GALNT5: variants seen among roughly 807,000 people sequenced by gnomAD.
The protein encoded by GALNT5 is UDP-GalNAc:polypeptide N-acetylgalactosaminyltransferase 5.
GALNT5 carries 72 observed loss-of-function variants against 85.4 expected under a neutral mutation model. The observed-to-expected ratio is 0.84, with a 90% CI of 0.70 to 1.03. GALNT5 has a LOEUF of 1.03. GALNT5 is among the 50% of genes least tolerant of loss of function. The pLI, the probability that GALNT5 is intolerant of heterozygous loss-of-function variation, is 0.00. For missense variants in GALNT5, 1,137 were observed against 1,135.5 expected, an observed-to-expected ratio of 1.00 and a Z score of -0.02; for synonymous variants, 404 against 397.0, an observed-to-expected ratio of 1.02 and a Z score of -0.21.
intron 3 of GALNT5, among the ~76,000 whole-genome samples, chr2:157,291,501 C>G (rs1574027155): frequency 1.3e-5 from 2 of 151,930 alleles, no homozygotes; most frequent in South Asian, 4.2e-4. Context: ...TCAAGGAATC[C>G]TAGACATAAC....
intron 3 of GALNT5, among the ~76,000 whole-genome samples, chr2:157,287,884 T>C (rs544128514): frequency 1.4e-4 from 22 of 152,340 alleles, no homozygotes; most frequent in African/African-American, 5.1e-4. Context: ...TATTAACTGA[T>C]TGAATCCTCA....
At chr2:157,309,693 T>C (rs978356165) in intron 9 of GALNT5, among the ~76,000 whole-genome samples, 3 of 152,330 alleles carry the variant, frequency 2.0e-5, no homozygotes, top group African/African-American at 7.2e-5. Context: ...ATGACTATTC[T>C]TTTCTCAACA....
intron 1 of GALNT5, among the ~76,000 whole-genome samples, chr2:157,261,242 G>T (rs60851779): frequency 0.025 from 3,809 of 152,008 alleles, 158 homozygotes; most frequent in East Asian, 0.14. Context: ...CTGCACAGAA[G>T]CACAAGCTCC....
intron 2 of GALNT5, among the ~76,000 whole-genome samples, chr2:157,285,127 G>A (rs1682942457): frequency 6.6e-6 from 1 of 152,152 alleles, no homozygotes; most frequent in Non-Finnish European, 1.5e-5. Context: ...GCAAAGACTT[G>A]GCAATGCTAA....
chr2:157,303,467 A>G (rs1215738040), intron 7 of GALNT5, among the ~76,000 whole-genome samples: 2 of 151,964 alleles, frequency 1.3e-5, no homozygotes, highest in Non-Finnish European at 2.9e-5. Flanking sequence ...AAATAATACA[A>G]CATGGATAAT....
rs780684488 is a variant in GALNT5 at position 157,311,369 on chromosome 2, A to G, written c.*21A>G. The stretch of plus-strand genomic sequence containing the variant: ...CCTGAAGTGTAACTGATGTTTTTAT[A>G]TAGTAAACCCATTAAATACTGTGAA... On this transcript the variant is annotated 3_prime_UTR_variant, in exon 10 of 10. Transcript: ENST00000259056. 3.3e-6 allele frequency: 5 copies of G among 1,502,846 alleles called. No individual in the cohort carries two copies. The highest frequency in any genetic ancestry group is 4.6e-6 in the Non-Finnish European group (5 of 1,096,692). The allele number at this position is 1,502,846 out of a possible 1,614,324, so 93.1% of individuals were successfully genotyped here.
At chr2:157,291,966 C>A (rs555435373) in intron 3 of GALNT5, among the ~76,000 whole-genome samples, 37 of 152,230 alleles carry the variant, frequency 2.4e-4, no homozygotes, top group Admixed American at 9.8e-4. Context: ...GATCACTACA[C>A]ACTTTATGTA....
intron 1 of GALNT5, among the ~76,000 whole-genome samples, chr2:157,273,532 C>T (rs1237742482): frequency 6.7e-6 from 1 of 149,516 alleles, no homozygotes; most frequent in Non-Finnish European, 1.5e-5. Context: ...AAAAAAACAG[C>T]ATGACTAACA....
Position 157,290,104 on chromosome 2 carries a change from T to C in GALNT5, c.1741+3970T>C, listed in dbSNP as rs1416565681. Among the ~76,000 whole-genome samples the C allele has an allele frequency of 1.5e-4, 22 of 143,488 alleles. 2 individuals are homozygous for C. Among genetic ancestry groups the C allele is most frequent in the African/African-American group, 6.2e-4 (22 of 35,616 alleles). 94.1% of individuals were successfully genotyped at this position (143,488 alleles called of 152,430 possible). On this transcript the variant is annotated intron_variant, in intron 3 of 9. Coordinates refer to ENST00000259056, the MANE Select transcript of GALNT5 (RefSeq NM_014568.3). ...AAAAAAATGTATATATATATATATATATATATATACATACACAAACACATA... is the reference window on the plus strand; with the variant it reads ...AAAAAAATGTATATATATATATATACATATATATACATACACAAACACATA...
chr2:157,279,202 C>T (rs1682803589), intron 1 of GALNT5, among the ~76,000 whole-genome samples: 1 of 152,118 alleles, frequency 6.6e-6, no homozygotes, highest in Non-Finnish European at 1.5e-5. Flanking sequence ...AAGCTTCGTC[C>T]CAGAGGGGCA....
Position 157,314,428 on chromosome 2 carries a change from C to T in GALNT5, c.*3080C>T, listed in dbSNP as rs898337763. Among the ~76,000 whole-genome samples the T allele has an allele frequency of 6.6e-6, 1 of 152,172 alleles. No homozygotes were observed. Among genetic ancestry groups the T allele is most frequent in the African/African-American group, 2.4e-5 (1 of 41,442 alleles). On this transcript the variant is annotated 3_prime_UTR_variant, in exon 10 of 10. Coordinates refer to ENST00000259056, the MANE Select transcript of GALNT5 (RefSeq NM_014568.3). The stretch of plus-strand genomic sequence containing the variant: ...TGTTGTTGGTACAATCTTGTTCTAT[C>T]ACCAGCATCAAATTTGCTTAATACT...
At chr2:157,283,072 G>T (rs1305054739) in intron 1 of GALNT5, among the ~76,000 whole-genome samples, 1 of 152,146 alleles carries the variant, frequency 6.6e-6, no homozygotes, top group Non-Finnish European at 1.5e-5. Context: ...CTATTCTTGT[G>T]GATCTAAGGC....
chr2:157,291,304 G>A (rs1683092315), intron 3 of GALNT5, among the ~76,000 whole-genome samples: 1 of 151,966 alleles, frequency 6.6e-6, no homozygotes, highest in Non-Finnish European at 1.5e-5. Context: ...ATAATCACTT[G>A]GCTAACTTTA....
rs759005432 is a variant in GALNT5, at chr2:157,258,614, G to T, written c.532G>T (p.Gly178Ter). 2.9e-5 allele frequency: 47 copies of T among 1,613,560 alleles called. No homozygotes were observed. Among genetic ancestry groups the T allele is most frequent in the Non-Finnish European group, 1.4e-5 (16 of 1,179,960 alleles). Residue 178 changes from glycine (G) to a stop codon, truncating the protein, a stop_gained, in exon 1 of 10, where the codon GGA becomes TGA. Transcript: ENST00000259056. LOFTEE classifies it high-confidence loss of function. The part of the protein sequence containing the change: ...APKTSFIAAK[G>*]TQVVKISVHM... ...AAAGACCTCATTCATAGCAGCAAAA[G>T]GAACTCAGGTAGTCAAAATATCAGT... is the stretch of plus-strand genomic sequence containing the variant.
chr2:157,266,110 C>T (rs753759754), intron 1 of GALNT5, among the ~76,000 whole-genome samples: 52 of 152,144 alleles, frequency 3.4e-4, no homozygotes, highest in Non-Finnish European at 2.5e-4. Flanking sequence ...TTTCATTGCA[C>T]GTGATATTTG....
At position 157,313,876 on chromosome 2, in the gene GALNT5, C is replaced by T. The variant is rs1415481710; in HGVS notation, c.*2528C>T. 6.6e-6 allele frequency: 1 copy of T among 152,000 alleles called. No individual in the cohort carries two copies. The highest frequency in any genetic ancestry group is 6.6e-5 in the Admixed American group (1 of 15,252). The allele number at this position is 152,000 out of a possible 1,614,324, so 9.4% of individuals were successfully genotyped here. A position where few individuals can be genotyped will look rare whatever the true frequency, so the allele number is the denominator to read the frequency against. ...TGTTTTTGAACATCACAAATTTGTT[C>T]TTGGATAGAATTTTATACATTGCTT... On this transcript the variant is annotated 3_prime_UTR_variant, in exon 10 of 10. Coordinates refer to ENST00000259056, the MANE Select transcript of GALNT5 (RefSeq NM_014568.3).
At position 157,300,681 on chromosome 2, in the gene GALNT5, G is replaced by A; in HGVS notation, c.2121G>A (p.Trp707Ter). The change falls in exon 7 of 10, where the codon TGG becomes TGA. Residue 707 changes from tryptophan to a stop codon, truncating the protein, a stop_gained. Coordinates refer to ENST00000259056, the MANE Select transcript of GALNT5 (RefSeq NM_014568.3). LOFTEE classifies it high-confidence loss of function. Reference sequence around the variant, plus strand: ...TTATCATCAAATTCTTCCAGGTGTGGATGTGTGGTGGTGAAATTGAGATCA... The same window carrying A: ...TTATCATCAAATTCTTCCAGGTGTGAATGTGTGGTGGTGAAATTGAGATCA... ...GENMELSFKV[W>*]MCGGEIEIIP... 6.2e-7 allele frequency: 1 copy of A among 1,608,904 alleles called. No homozygotes were observed. The highest frequency in any genetic ancestry group is 1.3e-5 in the African/African-American group (1 of 74,970).
At position 157,299,548 on chromosome 2, in the gene GALNT5, G is replaced by A. The variant is rs1207612675; in HGVS notation, c.1998G>A (p.Arg666=). The change falls in exon 6 of 10, where the codon AGG becomes AGA. Residue 666 remains arginine (R), a splice_region_variant and synonymous_variant. Transcript: ENST00000259056. The part of the protein sequence containing the change: ...KNRIKETDTI[R]CPVMAGGLFS... ...AAAAAACAAACTTTTCTTTTTGTAG[G>A]TGCCCTGTCATGGCTGGTGGATTGT... is the stretch of plus-strand genomic sequence containing the variant. 6.4e-7 allele frequency: 1 copy of A among 1,574,788 alleles called. No homozygotes were observed.
At position 157,284,410 on chromosome 2, in the gene GALNT5, T is replaced by C. The variant is rs1682926843; in HGVS notation, c.1583T>C (p.Ile528Thr). ...SVINRSPPHLIKEILLVDDFS... is the reference protein window; with the variant it reads ...SVINRSPPHLTKEILLVDDFS... The stretch of plus-strand genomic sequence containing the variant: ...ATCAATCGCTCTCCTCCACACCTCA[T>C]CAAGGAGATTCTGCTGGTAGATGAC... The change falls in exon 2 of 10, where the codon ATC becomes ACC. Residue 528 changes from isoleucine to threonine, a missense_variant. Ile to Thr is a moderately conservative substitution (Grantham distance 89). Coordinates refer to ENST00000259056, the MANE Select transcript of GALNT5 (RefSeq NM_014568.3). The C allele has an allele frequency of 6.2e-7, 1 of 1,613,976 alleles. No individual in the cohort carries two copies. Among genetic ancestry groups the C allele is most frequent in the Non-Finnish European group, 8.5e-7 (1 of 1,179,914 alleles).
Sources: allele counts gnomAD v4.1 joint callset (sites outside exome capture counted in the v4.1 genomes callset), GRCh38; gene constraint gnomAD v4.1.1; transcripts MANE v1.5; gene names NCBI Gene and HGNC (gene_info 2026-07-23, HGNC 2026-07-21).